The following ARHGAP10 variants were observed in gnomAD, a reference collection of about 807,000 sequenced individuals.
The protein encoded by ARHGAP10 is rho GTPase-activating protein 10.
A neutral mutation model predicts 108.6 loss-of-function variants in ARHGAP10; 87 were observed. That is an observed-to-expected ratio of 0.80 (90% CI 0.67 to 0.96). The LOEUF is 0.96. Ranked by LOEUF, ARHGAP10 falls within the 40% of genes least tolerant of loss-of-function variation. The pLI, the probability that ARHGAP10 is intolerant of heterozygous loss-of-function variation, is 0.00. For synonymous variants in ARHGAP10, 347 were observed against 341.1 expected, an observed-to-expected ratio of 1.02 and a Z score of -0.19; for missense variants, 939 against 954.5, an observed-to-expected ratio of 0.98 and a Z score of 0.21.
chr4:147,820,558 C>T (rs995396550), intron 1 of ARHGAP10, among the ~76,000 whole-genome samples: 2 of 141,966 alleles, frequency 1.4e-5, no homozygotes, highest in African/African-American at 2.7e-5. Context: ...AGTGCTGTTA[C>T]AGGCGTGGGC....
chr4:147,829,311 C>T (rs185229829), intron 3 of ARHGAP10, among the ~76,000 whole-genome samples: 2 of 152,116 alleles, frequency 1.3e-5, no homozygotes, highest in African/African-American at 2.4e-5. Flanking sequence ...CTCGACCCCC[C>T]CATCGTGCTG....
At chr4:148,064,640 A>G (rs1729782844) in intron 22 of ARHGAP10, 133 bp downstream of exon 22, 4 of 709,052 alleles carry the variant, frequency 5.6e-6, no homozygotes, top group Non-Finnish European at 9.0e-6. Flanking sequence ...GGACTGGATT[A>G]AGCGGCTGCG....
At chr4:147,890,847 C>A (rs959600194) in intron 10 of ARHGAP10, among the ~76,000 whole-genome samples, 16 of 151,726 alleles carry the variant, frequency 1.1e-4, no homozygotes, top group African/African-American at 3.4e-4. Context: ...ACAAAAAAAA[C>A]CACAAGTGGC....
At chr4:147,915,613 A>G (rs1014253772) in intron 13 of ARHGAP10, among the ~76,000 whole-genome samples, 2 of 152,196 alleles carry the variant, frequency 1.3e-5, no homozygotes, top group Admixed American at 1.3e-4. Context: ...ATATGTTTTT[A>G]TAAGTATATA....
intron 3 of ARHGAP10, among the ~76,000 whole-genome samples, chr4:147,824,780 C>G (rs1429377660): frequency 6.6e-6 from 1 of 152,170 alleles, no homozygotes; most frequent in Non-Finnish European, 1.5e-5. Flanking sequence ...TGGTCCTGCC[C>G]TTGACATGTG....
intron 3 of ARHGAP10, among the ~76,000 whole-genome samples, chr4:147,832,762 G>A (rs1355418639): frequency 2.0e-5 from 3 of 151,232 alleles, no homozygotes; most frequent in Non-Finnish European, 4.4e-5. Context: ...GTATCCTAAC[G>A]ACATTATGCC....
Position 147,939,576 on chromosome 4 carries a change from T to C in ARHGAP10, c.1229-249T>C, listed in dbSNP as rs548712481. Among the ~76,000 whole-genome samples the C allele has an allele frequency of 4.9e-4, 74 of 152,334 alleles. No homozygotes were observed. The South Asian group carries it at 6.6e-3, about 14-fold the overall frequency. On this transcript the variant is annotated intron_variant, in intron 13 of 22. Coordinates refer to ENST00000336498, the MANE Select transcript of ARHGAP10 (RefSeq NM_024605.4). ...ATGTATCCATGATACTTAACTAACT[T>C]ACTAACATTGAGGCATTTCATTTTT...
intron 5 of ARHGAP10, among the ~76,000 whole-genome samples, chr4:147,858,799 A>G (rs1347553203): frequency 4.6e-5 from 7 of 152,184 alleles, no homozygotes; most frequent in African/African-American, 1.7e-4. Flanking sequence ...CAGGTATCCA[A>G]AAAAAGATCT....
chr4:147,828,387 C>T (rs1307914640), intron 3 of ARHGAP10, among the ~76,000 whole-genome samples: 8 of 152,306 alleles, frequency 5.3e-5, no homozygotes, highest in Admixed American at 1.3e-4. Flanking sequence ...TAAGTTCATA[C>T]GCCTCATCTC....
chr4:147,818,590 G>C (rs949315045), intron 1 of ARHGAP10, among the ~76,000 whole-genome samples: 14 of 148,528 alleles, frequency 9.4e-5, no homozygotes, highest in Non-Finnish European at 1.9e-4. Context: ...AAAAAAGTTA[G>C]TTTGTTAGTT....
intron 1 of ARHGAP10, among the ~76,000 whole-genome samples, chr4:147,787,268 T>C (rs1730925874): frequency 6.6e-6 from 1 of 152,176 alleles, no homozygotes; most frequent in African/African-American, 2.4e-5. Flanking sequence ...CCTTGGGATT[T>C]GAGATGCACT....
At chr4:147,889,135 A>C (rs1462782545) in intron 10 of ARHGAP10, among the ~76,000 whole-genome samples, 1 of 152,220 alleles carries the variant, frequency 6.6e-6, no homozygotes, top group Non-Finnish European at 1.5e-5. Context: ...GATTAGATTC[A>C]ATCAAGCAAC....
chr4:147,733,791 A>G (rs1170219468), intron 1 of ARHGAP10, among the ~76,000 whole-genome samples: 1 of 152,166 alleles, frequency 6.6e-6, no homozygotes, highest in Non-Finnish European at 1.5e-5. Context: ...AAGTCACTCA[A>G]CTTCTCTGGA....
In ARHGAP10 at chr4:147,944,867, G is replaced by A. The variant is rs142757540; in HGVS notation, c.1304-1750G>A. On this transcript the variant is annotated intron_variant, in intron 14 of 22. Coordinates refer to ENST00000336498, the MANE Select transcript of ARHGAP10 (RefSeq NM_024605.4). ...CCCATTTCCTGCCTCCTCCCTTTGGGTAGGTACCATCACTGCTTGCTTATA... is the reference window on the plus strand; with the variant it reads ...CCCATTTCCTGCCTCCTCCCTTTGGATAGGTACCATCACTGCTTGCTTATA... Among the ~76,000 whole-genome samples the A allele has an allele frequency of 3.9e-5, 6 of 152,184 alleles. No homozygotes were observed. The South Asian group carries it at 1.0e-3, about 26-fold the overall frequency.
chr4:148,072,057 A>G lies in ARHGAP10; in HGVS notation c.2337A>G (p.Pro779=), dbSNP rs374207710. The stretch of plus-strand genomic sequence containing the variant: ...TGAACGGCAAGAGGGGGCTGATTCC[A>G]CAGAACTACGTCAAGCTGCTGTAGC... ...GTLNGKRGLI[P]QNYVKLL is the part of the protein sequence containing the mutation. Residue 779 remains proline (P), a synonymous_variant, in exon 23 of 23, where the codon CCA becomes CCG. Coordinates refer to ENST00000336498, the MANE Select transcript of ARHGAP10 (RefSeq NM_024605.4). 1 of 1,613,410 alleles carries G rather than the reference A, an allele frequency of 6.2e-7. No individual in the cohort carries two copies. The highest frequency in any genetic ancestry group is 8.5e-7 in the Non-Finnish European group (1 of 1,179,796).
chr4:147,969,896 G>A (rs1023038247), intron 18 of ARHGAP10, among the ~76,000 whole-genome samples: 3 of 152,154 alleles, frequency 2.0e-5, no homozygotes, highest in African/African-American at 7.2e-5. Context: ...GTGCTCTCAG[G>A]CTTTCTATTC....
chr4:148,004,016 GT>G, intron 18 of ARHGAP10, among the ~76,000 whole-genome samples: 1 of 141,750 alleles, frequency 7.1e-6, no homozygotes, highest in East Asian at 1.9e-4. Flanking sequence ...GCTGGCGGGG[GT>G]GTGAACTGGA....
intron 1 of ARHGAP10, among the ~76,000 whole-genome samples, chr4:147,800,448 A>G (rs1179244125): frequency 6.6e-6 from 1 of 151,816 alleles, no homozygotes; most frequent in Non-Finnish European, 1.5e-5. Flanking sequence ...TCCCCTAGTT[A>G]TTGTTGGTGG....
chr4:147,845,350 C>T (rs1733589451), intron 3 of ARHGAP10, among the ~76,000 whole-genome samples: 1 of 152,238 alleles, frequency 6.6e-6, no homozygotes, highest in Non-Finnish European at 1.5e-5. Context: ...ATCTTCTCTA[C>T]TGAACAGTAA....
Sources: gnomAD v4.1 joint callset for allele counts (sites outside exome capture counted in the v4.1 genomes callset) on GRCh38, gnomAD v4.1.1 for gene constraint, MANE v1.5 for transcripts, NCBI Gene and HGNC (gene_info 2026-07-23, HGNC 2026-07-21) for gene names.